The following BMP10 variants were observed in gnomAD, a reference collection of about 807,000 sequenced individuals.
The protein encoded by BMP10 is bone morphogenetic protein 10.
A neutral mutation model predicts 29.9 loss-of-function variants in BMP10; 9 were observed. The observed-to-expected ratio is 0.30, with a 90% confidence interval of 0.18 to 0.53. BMP10 has a LOEUF of 0.53. BMP10 is among the 20% of genes least tolerant of loss of function. The pLI is 0.96. For missense variants in BMP10, 474 were observed against 524.3 expected (o/e 0.90, Z 0.94); for synonymous variants, 202 against 200.2 (o/e 1.01, Z -0.07).
intron 1 of BMP10, among the ~76,000 whole-genome samples, chr2:68,869,140 T>A (rs1056556987): frequency 1.3e-5 from 2 of 152,198 alleles, no homozygotes; most frequent in Non-Finnish European, 2.9e-5. Flanking sequence ...AATGACCCCA[T>A]AATGCAGGTA....
At position 68,864,837 on chromosome 2, in the gene BMP10, A is replaced by G. The variant is rs1226293071; in HGVS notation, c.*794T>C. Among the ~76,000 whole-genome samples, 1 of 152,066 alleles carries G rather than the reference A, an allele frequency of 6.6e-6. No individual in the cohort carries two copies. The highest frequency in any genetic ancestry group is 2.4e-5 in the African/African-American group (1 of 41,396). On this transcript the variant is annotated 3_prime_UTR_variant, in exon 2 of 2. Transcript: ENST00000295379. ...TTCCCTTTCTCCCTTTCTCCCCTTC[A>G]AGTACCCTCCCAACCCCTCTACTCT... is the stretch of plus-strand genomic sequence containing the variant.
intron 1 of BMP10, among the ~76,000 whole-genome samples, chr2:68,868,411 T>C (rs775107403): frequency 6.6e-6 from 1 of 152,184 alleles, no homozygotes; most frequent in Non-Finnish European, 1.5e-5. Context: ...TTGATCCTTG[T>C]CATTTACGTC....
At position 68,871,249 on chromosome 2, in the gene BMP10, G is replaced by T; in HGVS notation, c.110C>A (p.Ser37Tyr). 6.2e-7 allele frequency: 1 copy of T among 1,614,128 alleles called. No homozygotes were observed. Among genetic ancestry groups the T allele is most frequent in the Non-Finnish European group, 8.5e-7 (1 of 1,180,014 alleles). Residue 37 changes from serine to tyrosine, a missense_variant, in exon 1 of 2, where the codon TCC (serine) becomes TAC (tyrosine). Around this residue, in one of 2 missense-constraint regions of BMP10, gnomAD observed 408 missense variants for 415.3 expected, o/e 0.98. Coordinates refer to ENST00000295379, the MANE Select transcript of BMP10 (RefSeq NM_014482.3). ...CTCTGAGAAAACATCACCAAAGAGG[G>T]ACATATCTTCTTCCAGAGGAGACTG... ...LEQSPLEEDMSLFGDVFSEQD... is the reference protein window; with the variant it reads ...LEQSPLEEDMYLFGDVFSEQD...
chr2:68,868,162 A>G (rs1573686906), intron 1 of BMP10, among the ~76,000 whole-genome samples: 1 of 152,214 alleles, frequency 6.6e-6, no homozygotes, highest in African/African-American at 2.4e-5. Context: ...TTTGTGAACA[A>G]TTGAATGGAT....
intron 1 of BMP10, 112 bp from the exon 2 acceptor site, chr2:68,866,683 A>C: frequency 2.6e-6 from 2 of 783,278 alleles, no homozygotes; most frequent in Non-Finnish European, 4.0e-6. Context: ...TGCAGAAAGA[A>C]TGAAGGGAGA....
intron 1 of BMP10, 81 bp downstream of exon 1, chr2:68,870,944 C>A: frequency 8.1e-7 from 1 of 1,231,366 alleles, no homozygotes; most frequent in Non-Finnish European, 1.2e-6. Flanking sequence ...TTACCCTTAC[C>A]TATATCATTC....
At position 68,864,210 on chromosome 2, in the gene BMP10, T is replaced by C. The variant is rs1296516440; in HGVS notation, c.*1421A>G. Among the ~76,000 whole-genome samples the C allele has an allele frequency of 6.6e-6, 1 of 152,222 alleles. No individual in the cohort carries two copies. Among genetic ancestry groups the C allele is most frequent in the South Asian group, 2.1e-4 (1 of 4,832 alleles). ...CTGGGTTTCTACCATGAAACAATCATGATTTCAAAATTCAGGCTTGGCTTT... is the reference window on the plus strand; with the variant it reads ...CTGGGTTTCTACCATGAAACAATCACGATTTCAAAATTCAGGCTTGGCTTT... On this transcript the variant is annotated 3_prime_UTR_variant, in exon 2 of 2. Coordinates refer to ENST00000295379, the MANE Select transcript of BMP10 (RefSeq NM_014482.3).
At chr2:68,868,069 A>G (rs532441874) in intron 1 of BMP10, among the ~76,000 whole-genome samples, 25 of 152,342 alleles carry the variant, frequency 1.6e-4, no homozygotes, top group Non-Finnish European at 2.9e-4. Context: ...AAGACCAGCT[A>G]TATCTGGGTC....
chr2:68,863,191 G>A lies in BMP10; in HGVS notation c.*2440C>T, dbSNP rs1002446867. 1.3e-5 allele frequency among the ~76,000 whole-genome samples: 2 copies of A among 152,208 alleles called. No homozygotes were observed. The highest frequency in any genetic ancestry group is 2.4e-5 in the African/African-American group (1 of 41,450). On this transcript the variant is annotated 3_prime_UTR_variant, in exon 2 of 2. Transcript: ENST00000295379. ...AGCTGACTTAGGTTTTAGAAGTTTTGCAAGCCAGTTGACATCACCTTGGCA... is the reference window on the plus strand; with the variant it reads ...AGCTGACTTAGGTTTTAGAAGTTTTACAAGCCAGTTGACATCACCTTGGCA...
At chr2:68,870,999 G>A (rs894863283) in intron 1 of BMP10, 26 bp downstream of exon 1, 1 of 1,593,274 alleles carries the variant, frequency 6.3e-7, no homozygotes, top group Non-Finnish European at 8.6e-7. Context: ...AAAAATCCTA[G>A]CAAAATTTCA....
Position 68,871,300 on chromosome 2 carries a change from G to C in BMP10, c.59C>G (p.Ser20Cys). The C allele has an allele frequency of 4.3e-6, 7 of 1,614,140 alleles. No individual in the cohort carries two copies. The highest frequency in any genetic ancestry group is 5.9e-6 in the Non-Finnish European group (7 of 1,180,006). ...CTCTAGGTTCATGATGGGGCTGCCA[G>C]AAACCAAGTAAGCTGCCAGGCAGAA... is the stretch of plus-strand genomic sequence containing the variant. ...ALFCLAAYLV[S>C]GSPIMNLEQS... is the part of the protein sequence containing the mutation. Residue 20 changes from serine to cysteine, a missense_variant, in exon 1 of 2, where the codon TCT becomes TGT. Ser to Cys is a moderately radical substitution (Grantham distance 112). Coordinates refer to ENST00000295379, the MANE Select transcript of BMP10 (RefSeq NM_014482.3).
At chr2:68,870,120 CT>C (rs1019898946) in intron 1 of BMP10, among the ~76,000 whole-genome samples, 2 of 152,168 alleles carry the variant, frequency 1.3e-5, no homozygotes, top group Non-Finnish European at 2.9e-5. Flanking sequence ...CGGGAAGCTT[CT>C]TTTATACCTG....
At chr2:68,870,129 C>T (rs966923240) in intron 1 of BMP10, among the ~76,000 whole-genome samples, 37 of 152,120 alleles carry the variant, frequency 2.4e-4, no homozygotes, top group African/African-American at 8.9e-4. Context: ...TCTTTTATAC[C>T]TGGTTAGTGA....
rs184404305 is a variant in BMP10, at chr2:68,861,935, A to G, written c.*3696T>C. On this transcript the variant is annotated 3_prime_UTR_variant, in exon 2 of 2. Transcript: ENST00000295379. ...CATTTACAAAGTAATTGGTCCAATT[A>G]CAAATGAATTTGACCAATCACATCT... 1.3e-5 allele frequency among the ~76,000 whole-genome samples: 2 copies of G among 152,356 alleles called. No homozygotes were observed. The highest frequency in any genetic ancestry group is 3.9e-4 in the East Asian group (2 of 5,186).
At position 68,861,871 on chromosome 2, in the gene BMP10, G is replaced by A. The variant is rs546687217; in HGVS notation, c.*3760C>T. 2.4e-4 allele frequency among the ~76,000 whole-genome samples: 36 copies of A among 152,210 alleles called. 1 individual carries two copies. Among genetic ancestry groups the A allele is most frequent in the Admixed American group, 5.2e-4 (8 of 15,292 alleles). ...ATCAGGAAAGAATTCGGCACTTTGGGGCTGACTCTTTTGGAAATCACTAAG... is the reference window on the plus strand; with the variant it reads ...ATCAGGAAAGAATTCGGCACTTTGGAGCTGACTCTTTTGGAAATCACTAAG... On this transcript the variant is annotated 3_prime_UTR_variant, in exon 2 of 2. Coordinates refer to ENST00000295379, the MANE Select transcript of BMP10 (RefSeq NM_014482.3).
In BMP10 at chr2:68,863,441, C is replaced by T. The variant is rs532658562; in HGVS notation, c.*2190G>A. Reference sequence around the variant, plus strand: ...GTCCTTTAGAAAGGATAAGAAGTACCTTGGAGTATGTGAGTATACATTGTG... The same window carrying T: ...GTCCTTTAGAAAGGATAAGAAGTACTTTGGAGTATGTGAGTATACATTGTG... On this transcript the variant is annotated 3_prime_UTR_variant, in exon 2 of 2. Transcript: ENST00000295379. Among the ~76,000 whole-genome samples the T allele has an allele frequency of 3.9e-5, 6 of 152,254 alleles. No individual in the cohort carries two copies. In the South Asian group the frequency reaches 1.0e-3, roughly 26 times the overall value.
chr2:68,871,347 C>G lies in BMP10; in HGVS notation c.12G>C (p.Leu4=). The change falls in exon 1 of 2, where the codon CTG becomes CTC. Residue 4 remains leucine, a synonymous_variant. Coordinates refer to ENST00000295379, the MANE Select transcript of BMP10 (RefSeq NM_014482.3). MGS[L]VLTLCALFCL... ...AGAAAAGAGCGCACAGTGTCAGGAC[C>G]AGAGAGCCCATGACTCCGCTCGAGC... 1 of 1,613,606 alleles carries G rather than the reference C, an allele frequency of 6.2e-7. No homozygotes were observed. Among genetic ancestry groups the G allele is most frequent in the Non-Finnish European group, 8.5e-7 (1 of 1,179,772 alleles).
rs1184309454 is a variant in BMP10, at chr2:68,865,826, C to T, written c.1080G>A (p.Leu360=). 44 of 1,613,880 alleles carry T rather than the reference C, an allele frequency of 2.7e-5. No homozygotes were observed. The highest frequency in any genetic ancestry group is 4.4e-5 in the South Asian group (4 of 91,078). ...GCTTTGTGGGTGTGAGATGCTCTGC[C>T]AGGGGGTAGTTACAAACACCACGGC... The part of the protein sequence containing the change: ...YECRGVCNYP[L]AEHLTPTKHA... The change falls in exon 2 of 2, where the codon CTG becomes CTA. Residue 360 remains leucine (L), a synonymous_variant. Transcript: ENST00000295379. This position sits in a 1 kb window ranked among gnomAD's most constrained non-coding sequence, Gnocchi z 4.7.
chr2:68,866,987 G>A (rs1268243788), intron 1 of BMP10, among the ~76,000 whole-genome samples: 1 of 151,638 alleles, frequency 6.6e-6, no homozygotes, highest in Non-Finnish European at 1.5e-5. Flanking sequence ...TCGGGGATGA[G>A]GACTTCATGG....
Sources: allele counts gnomAD v4.1 joint callset (sites outside exome capture counted in the v4.1 genomes callset), GRCh38; gene constraint gnomAD v4.1.1; regional missense constraint gnomAD v4.1.1; non-coding constraint Gnocchi (gnomAD v3.1); transcripts MANE v1.5; gene names NCBI Gene and HGNC (gene_info 2026-07-23, HGNC 2026-07-21).